FOLH1: variants seen among roughly 807,000 people sequenced by gnomAD.
FOLH1 encodes glutamate carboxypeptidase 2.
A neutral mutation model predicts 93.9 loss-of-function variants in FOLH1; 54 were observed. That is an observed-to-expected ratio of 0.57 (90% CI 0.46 to 0.72). FOLH1 has a LOEUF of 0.72. FOLH1 is among the 30% of genes least tolerant of loss of function. FOLH1 has a pLI of 0.00. For missense variants in FOLH1, 571 were observed against 892.5 expected, an observed-to-expected ratio of 0.64 and a Z score of 4.59; for synonymous variants, 249 against 303.6, an observed-to-expected ratio of 0.82 and a Z score of 1.87.
intron 7 of FOLH1, among the ~76,000 whole-genome samples, chr11:49,182,915 T>G (rs1860943342): frequency 6.6e-6 from 1 of 152,110 alleles, no homozygotes; most frequent in African/African-American, 2.4e-5. Context: ...TCAATTAGGT[T>G]CCCTGAAGTT....
chr11:49,193,581 T>C (rs747622147), intron 3 of FOLH1, among the ~76,000 whole-genome samples: 6 of 152,176 alleles, frequency 3.9e-5, no homozygotes, highest in Non-Finnish European at 7.3e-5. Flanking sequence ...ACTGGCCTTA[T>C]CTAGATTCTC....
chr11:49,148,942 T>G (rs1856106686), intron 17 of FOLH1, among the ~76,000 whole-genome samples: 1 of 152,144 alleles, frequency 6.6e-6, no homozygotes, highest in Non-Finnish European at 1.5e-5. Context: ...TTTTTTTTAT[T>G]ATTATACTTT....
chr11:49,148,851 C>T (rs1412389767), intron 17 of FOLH1, 120 bp from the exon 18 acceptor site: 22 of 787,720 alleles, frequency 2.8e-5, no homozygotes, highest in Non-Finnish European at 4.1e-5. Flanking sequence ...GGACCACCCT[C>T]TACACCAAAA....
Position 49,175,014 on chromosome 11 carries a change from A to G in FOLH1, c.1020-37T>C, listed in dbSNP as rs528784269. On this transcript the variant is annotated intron_variant, in intron 8 of 18. Coordinates refer to ENST00000256999, the MANE Select transcript of FOLH1 (RefSeq NM_004476.3). ...ATAAAAGACATTCTTAAAAAAAAAA[A>G]CTGGTTAACAGATTAACACTATAAG... 14 of 1,569,440 alleles carry G rather than the reference A, an allele frequency of 8.9e-6. No individual in the cohort carries two copies. The Admixed American group carries it at 1.0e-4, about 11-fold the overall frequency.
intron 15 of FOLH1, 68 bp from the exon 16 acceptor site, chr11:49,154,560 A>C: frequency 1.9e-6 from 3 of 1,552,528 alleles, no homozygotes; most frequent in South Asian, 2.4e-5. Flanking sequence ...CACCATATTT[A>C]CTATTAGTAT....
At chr11:49,192,305 A>C (rs1024267815) in intron 4 of FOLH1, among the ~76,000 whole-genome samples, 2 of 152,224 alleles carry the variant, frequency 1.3e-5, no homozygotes, top group African/African-American at 4.8e-5. Flanking sequence ...CAAAAACATA[A>C]GGAAAATAAT....
chr11:49,181,289 G>A (rs1340244503), intron 7 of FOLH1, among the ~76,000 whole-genome samples: 1 of 151,752 alleles, frequency 6.6e-6, no homozygotes, highest in African/African-American at 2.4e-5. Flanking sequence ...TGTATTTTTA[G>A]TACGGACGGG....
Position 49,146,608 on chromosome 11 carries a change from A to T in FOLH1, c.*148T>A. 1 of 600,252 alleles carries T rather than the reference A, an allele frequency of 1.7e-6. No homozygotes were observed. The allele number at this position is 600,252 out of a possible 1,614,324, so 37.2% of individuals were successfully genotyped here. A position where few individuals can be genotyped will look rare whatever the true frequency, so the allele number is the denominator to read the frequency against. On this transcript the variant is annotated 3_prime_UTR_variant, in exon 19 of 19. Transcript: ENST00000256999. The stretch of plus-strand genomic sequence containing the variant: ...TAGGGAGAAGATAAACAATATAAAC[A>T]CACACATATATAAACACTCACATAA...
chr11:49,157,388 G>C (rs1438355227), intron 14 of FOLH1, among the ~76,000 whole-genome samples: 2 of 151,958 alleles, frequency 1.3e-5, no homozygotes, highest in East Asian at 3.9e-4. Context: ...CTCTATCATG[G>C]GTTGAGTATC....
intron 4 of FOLH1, 169 bp downstream of exon 4, chr11:49,192,624 A>G: frequency 2.4e-6 from 1 of 421,400 alleles, no homozygotes; most frequent in Non-Finnish European, 4.2e-6. Flanking sequence ...CATTAATAAA[A>G]TATAATCAAT....
intron 2 of FOLH1, among the ~76,000 whole-genome samples, chr11:49,205,072 T>C (rs1863742441): frequency 1.3e-5 from 2 of 151,970 alleles, no homozygotes; most frequent in African/African-American, 4.8e-5. Flanking sequence ...TAGCTGGGTG[T>C]GGTGGTGCAT....
Position 49,208,360 on chromosome 11 carries a change from C to T in FOLH1, c.50G>A (p.Arg17His). ...ETDSAVATAR[R>H]PRWLCAGALV... ...CGCCCCAGCGCACAGCCAGCGCGGG[C>T]GGCGCGCGGTGGCCACAGCCGAGTC... The change falls in exon 1 of 19, where the codon CGC (arginine) becomes CAC (histidine). Residue 17 changes from arginine (R) to histidine (H), a missense_variant. This residue lies in a region of FOLH1 where 71 missense variants were observed against 69.6 expected (regional missense o/e 1.02). Transcript: ENST00000256999. The T allele has an allele frequency of 6.2e-7, 1 of 1,601,994 alleles. No homozygotes were observed. The highest frequency in any genetic ancestry group is 8.5e-7 in the Non-Finnish European group (1 of 1,173,350).
chr11:49,166,953 G>A (rs1212811017), intron 12 of FOLH1, among the ~76,000 whole-genome samples: 5 of 152,020 alleles, frequency 3.3e-5, no homozygotes, highest in Non-Finnish European at 7.4e-5. Flanking sequence ...GGAGGCTGAC[G>A]GGGGAGGATC....
intron 5 of FOLH1, chr11:49,186,171 G>T: frequency 3.7e-6 from 1 of 272,188 alleles, no homozygotes; most frequent in Non-Finnish European, 6.3e-6. Flanking sequence ...TTCTACAGTC[G>T]AAAGGGAATT....
At chr11:49,156,849 T>C (rs750116216) in intron 14 of FOLH1, 42 bp from the exon 15 acceptor site, 3 of 1,607,606 alleles carry the variant, frequency 1.9e-6, no homozygotes, top group East Asian at 2.2e-5. Flanking sequence ...AAGTAATTTG[T>C]TCATTAAGCA....
chr11:49,147,458 TC>T (rs1855899852), intron 18 of FOLH1, among the ~76,000 whole-genome samples: 1 of 149,226 alleles, frequency 6.7e-6, no homozygotes, highest in Admixed American at 6.7e-5. Context: ...TTTTTTTTTG[TC>T]TTTTTTTAAA....
At chr11:49,172,218 T>C (rs1276238853) in intron 10 of FOLH1, among the ~76,000 whole-genome samples, 1 of 152,224 alleles carries the variant, frequency 6.6e-6, no homozygotes, top group Non-Finnish European at 1.5e-5. Flanking sequence ...ATGTTTTGTA[T>C]AGTTACCACA....
intron 3 of FOLH1, among the ~76,000 whole-genome samples, chr11:49,195,020 A>G (rs565331574): frequency 1.5e-4 from 23 of 152,248 alleles, no homozygotes; most frequent in African/African-American, 5.3e-4. Flanking sequence ...GAGAGAGCAC[A>G]TTAAGGATAA....
intron 13 of FOLH1, among the ~76,000 whole-genome samples, 154 bp downstream of exon 13, chr11:49,164,551 T>A (rs1372637806): frequency 6.6e-6 from 1 of 152,210 alleles, no homozygotes; most frequent in Non-Finnish European, 1.5e-5. Context: ...GTAAACAGTT[T>A]ACTAGATGTG....
Sources: allele counts gnomAD v4.1 joint callset (sites outside exome capture counted in the v4.1 genomes callset), GRCh38; gene constraint gnomAD v4.1.1; regional missense constraint gnomAD v4.1.1; transcripts MANE v1.5; gene names NCBI Gene and HGNC (gene_info 2026-07-23, HGNC 2026-07-21).